The following ZNF345 variants were observed in gnomAD, a reference collection of about 807,000 sequenced individuals.
ZNF345 encodes zinc finger protein 345.
For synonymous variants in ZNF345, 166 were observed against 187.9 expected, an observed-to-expected ratio of 0.88 and a Z score of 0.95; for missense variants, 527 against 589.9, an observed-to-expected ratio of 0.89 and a Z score of 1.10.
intron 2 of ZNF345, among the ~76,000 whole-genome samples, chr19:36,860,084 A>G (rs182182149): frequency 3.2e-4 from 49 of 152,010 alleles, no homozygotes; most frequent in Admixed American, 2.0e-3. Flanking sequence ...CAGCCTCCCG[A>G]GTAGCTGGAA....
At chr19:36,890,265 T>A (rs1404113893) in intron 3 of ZNF345, 3 of 152,256 alleles carry the variant, frequency 2.0e-5, no homozygotes, top group African/African-American at 4.8e-5. Context: ...GTTCTTCAGA[T>A]GTCTGTTGGG....
chr19:36,873,003 C>G (rs112486329), intron 2 of ZNF345, among the ~76,000 whole-genome samples: 1 of 152,128 alleles, frequency 6.6e-6, no homozygotes, highest in Admixed American at 6.5e-5. Flanking sequence ...GATTTCTTCT[C>G]AGTAGACGTT....
At chr19:36,882,630 CA>C (rs1287280239), downstream of ZNF345, among the ~76,000 whole-genome samples, 1 of 152,050 alleles carries the variant, frequency 6.6e-6, no homozygotes, top group Non-Finnish European at 1.5e-5. Context: ...CTCTTTGATT[CA>C]CTAGTTACCT....
At chr19:36,890,345 G>C (rs1261024854) in intron 3 of ZNF345, 1 of 152,192 alleles carries the variant, frequency 6.6e-6, no homozygotes, top group Non-Finnish European at 1.5e-5. Context: ...GATCTGTCTA[G>C]TGCTGTCAAT....
intron 2 of ZNF345, among the ~76,000 whole-genome samples, chr19:36,870,588 A>G (rs532120625): frequency 1.3e-5 from 2 of 152,312 alleles, no homozygotes; most frequent in East Asian, 3.9e-4. Context: ...TTCAACCACT[A>G]TATTGATTCT....
downstream of ZNF345, among the ~76,000 whole-genome samples, chr19:36,881,125 G>A (rs2072965545): frequency 6.6e-6 from 1 of 152,122 alleles, no homozygotes; most frequent in Non-Finnish European, 1.5e-5. Context: ...ATGCAAAAGC[G>A]ACATTACTCT....
intron 2 of ZNF345, among the ~76,000 whole-genome samples, chr19:36,875,035 A>T (rs1159337392): frequency 6.6e-6 from 1 of 152,158 alleles, no homozygotes; most frequent in Non-Finnish European, 1.5e-5. Context: ...TTATTATATT[A>T]TTCAATAAAT....
At chr19:36,885,199 T>C (rs1306089679) in intron 3 of ZNF345, among the ~76,000 whole-genome samples, 1 of 151,876 alleles carries the variant, frequency 6.6e-6, no homozygotes, top group Admixed American at 6.6e-5. Context: ...ATAGAAATAT[T>C]ATATAACTAT....
intron 2 of ZNF345, among the ~76,000 whole-genome samples, chr19:36,865,749 AT>A (rs1188373474): frequency 6.6e-6 from 1 of 152,068 alleles, no homozygotes; most frequent in Non-Finnish European, 1.5e-5. Flanking sequence ...TACATGTTTT[AT>A]TTGCTACAGC....
At chr19:36,858,563 T>A (rs2072474640) in intron 2 of ZNF345, among the ~76,000 whole-genome samples, 1 of 152,088 alleles carries the variant, frequency 6.6e-6, no homozygotes, top group Non-Finnish European at 1.5e-5. Flanking sequence ...GGTCGGGAGT[T>A]CGAGACCAGC....
At chr19:36,864,750 G>A (rs144493783) in intron 2 of ZNF345, among the ~76,000 whole-genome samples, 1 of 152,162 alleles carries the variant, frequency 6.6e-6, no homozygotes, top group East Asian at 1.9e-4. Context: ...ACCCTGAGAC[G>A]GAATGCCTCA....
At chr19:36,862,511 A>C (rs2072570229) in intron 2 of ZNF345, among the ~76,000 whole-genome samples, 1 of 151,642 alleles carries the variant, frequency 6.6e-6, no homozygotes, top group Admixed American at 6.6e-5. Flanking sequence ...AAAAAATACA[A>C]AAATTAGCCA....
chr19:36,861,524 C>T, intron 2 of ZNF345, among the ~76,000 whole-genome samples: 1 of 152,068 alleles, frequency 6.6e-6, no homozygotes, highest in East Asian at 1.9e-4. Context: ...AAGTAGGGTT[C>T]AGTATTTGCT....
In ZNF345 at chr19:36,852,752, A is replaced by G. The variant is rs529549622; in HGVS notation, c.-47+848A>G. On this transcript the variant is annotated intron_variant, in intron 2 of 2. Transcript: ENST00000420450. ...CTCCACATCCATGCTAGACATCATA[A>G]AACTCTTAAATTTTTGCCAATCTGG... 2.0e-5 allele frequency among the ~76,000 whole-genome samples: 3 copies of G among 152,174 alleles called. No individual in the cohort carries two copies. The South Asian group carries it at 6.2e-4, about 31-fold the overall frequency.
At chr19:36,869,732 T>C (rs2072735050) in intron 2 of ZNF345, among the ~76,000 whole-genome samples, 2 of 152,030 alleles carry the variant, frequency 1.3e-5, no homozygotes, top group Non-Finnish European at 2.9e-5. Flanking sequence ...TTCTTATTTA[T>C]TTAGTGGTTT....
Position 36,877,122 on chromosome 19 carries a change from G to C in ZNF345, c.292G>C (p.Ala98Pro), listed in dbSNP as rs1447506840. The stretch of plus-strand genomic sequence containing the variant: ...TTATGAATGCAAAGAATGTGGCAAG[G>C]CCTTTGGTAGTGGTGCAAACCTTGC... ...KPYECKECGK[A>P]FGSGANLAYH... is the part of the protein sequence containing the mutation. Residue 98 changes from alanine to proline, a missense_variant, in exon 3 of 3, where the codon GCC (alanine) becomes CCC (proline). Ala to Pro is a conservative substitution (Grantham distance 27). Coordinates refer to ENST00000420450, the MANE Select transcript of ZNF345 (RefSeq NM_001242472.2). 1 of 1,614,080 alleles carries C rather than the reference G, an allele frequency of 6.2e-7. No homozygotes were observed. The highest frequency in any genetic ancestry group is 1.7e-5 in the Admixed American group (1 of 60,018).
At chr19:36,883,028 C>G (rs2072977761), downstream of ZNF345, among the ~76,000 whole-genome samples, 1 of 152,128 alleles carries the variant, frequency 6.6e-6, no homozygotes, top group African/African-American at 2.4e-5. Context: ...ATGTTGAATT[C>G]CAATTTCTCT....
chr19:36,881,829 T>A (rs1465468064), downstream of ZNF345, among the ~76,000 whole-genome samples: 1 of 152,152 alleles, frequency 6.6e-6, no homozygotes, highest in Admixed American at 6.5e-5. Flanking sequence ...TCAGAGACAT[T>A]AAAATGCGGG....
intron 2 of ZNF345, among the ~76,000 whole-genome samples, chr19:36,857,020 T>A (rs2072433756): frequency 6.6e-6 from 1 of 152,174 alleles, no homozygotes. Context: ...AGAATTCTTT[T>A]TTTAATGCAA....
Sources: gnomAD v4.1 joint callset for allele counts (sites outside exome capture counted in the v4.1 genomes callset) on GRCh38, gnomAD v4.1.1 for gene constraint, MANE v1.5 for transcripts, NCBI Gene and HGNC (gene_info 2026-07-23, HGNC 2026-07-21) for gene names.